The following CTNNA2 variants were observed in gnomAD, a reference collection of about 807,000 sequenced individuals.
CTNNA2 encodes the protein catenin alpha-2.
A neutral mutation model predicts 101.0 loss-of-function variants in CTNNA2; 42 were observed. The ratio of observed to expected loss-of-function variants is 0.42; its 90% confidence interval spans 0.32 to 0.54. The LOEUF (loss-of-function observed/expected upper bound fraction) is 0.54, where lower values mean the gene tolerates loss of function less well. CTNNA2 is among the 20% of genes least tolerant of loss of function. The pLI, the probability that CTNNA2 is intolerant of heterozygous loss-of-function variation, is 0.14. For synonymous variants in CTNNA2, 450 were observed against 456.4 expected (o/e 0.99, Z 0.18); for missense variants, 871 against 1,223.1 (o/e 0.71, Z 4.29).
intron 7 of CTNNA2, among the ~76,000 whole-genome samples, chr2:80,291,306 A>G (rs1203055289): frequency 6.6e-6 from 1 of 152,182 alleles, no homozygotes; most frequent in Non-Finnish European, 1.5e-5. Context: ...ACCCTGCCTA[A>G]CAAATTGGAG....
At chr2:79,311,772 T>C (rs7583745) in intron 2 of CTNNA2, among the ~76,000 whole-genome samples, 13,090 of 152,256 alleles carry the variant, frequency 0.086, 618 homozygotes, top group African/African-American at 0.1. Flanking sequence ...AGCTGATCTA[T>C]TGGTTGCCTC....
At chr2:80,082,597 G>A (rs1194811589) in intron 7 of CTNNA2, among the ~76,000 whole-genome samples, 3 of 152,030 alleles carry the variant, frequency 2.0e-5, no homozygotes, top group Admixed American at 6.6e-5. Context: ...TAATCTATTT[G>A]GATTAAGTTT....
intron 2 of CTNNA2, among the ~76,000 whole-genome samples, chr2:79,273,093 T>C (rs1206435161): frequency 1.3e-5 from 2 of 152,062 alleles, no homozygotes; most frequent in Non-Finnish European, 2.9e-5. Context: ...TCATGTTGGC[T>C]TCTCAGCACA....
At chr2:79,849,539 C>A (rs1680509758) in intron 3 of CTNNA2, among the ~76,000 whole-genome samples, 1 of 152,072 alleles carries the variant, frequency 6.6e-6, no homozygotes. Context: ...TTTCCCCAAT[C>A]ACAGATTTCA....
intron 7 of CTNNA2, among the ~76,000 whole-genome samples, chr2:80,188,665 A>C (rs1336192004): frequency 6.6e-6 from 1 of 152,188 alleles, no homozygotes; most frequent in Non-Finnish European, 1.5e-5. Flanking sequence ...TGACAGTAAG[A>C]CAAGTCCTTC....
intron 3 of CTNNA2, among the ~76,000 whole-genome samples, chr2:79,316,414 C>T (rs13422936): frequency 0.26 from 38,868 of 151,898 alleles, 5,236 homozygotes; most frequent in Middle Eastern, 0.38. Flanking sequence ...GCTATTCTGA[C>T]ATCCCAGCAT....
rs369716657 is a variant in CTNNA2, at chr2:79,359,579, A to G, written c.-317-14252A>G. On this transcript the variant is annotated intron_variant, in intron 3 of 21. Transcript: ENST00000466387. Reference sequence around the variant, plus strand: ...AAGGCTCATGCTGAATAGGAGGAAAACCCCTTCATGGGAAGCCCCTGGAGA... The same window carrying G: ...AAGGCTCATGCTGAATAGGAGGAAAGCCCCTTCATGGGAAGCCCCTGGAGA... Among the ~76,000 whole-genome samples, 25 of 152,234 alleles carry G rather than the reference A, an allele frequency of 1.6e-4. No homozygotes were observed. In the East Asian group the frequency reaches 4.4e-3, roughly 27 times the overall value.
intron 7 of CTNNA2, among the ~76,000 whole-genome samples, chr2:80,326,477 C>A (rs1376174612): frequency 2.0e-5 from 3 of 152,240 alleles, no homozygotes; most frequent in South Asian, 4.1e-4. Context: ...ATCCCTGCCC[C>A]CCTTGCCTCT....
chr2:79,385,857 A>G (rs1204331733), intron 4 of CTNNA2, among the ~76,000 whole-genome samples: 3 of 152,184 alleles, frequency 2.0e-5, no homozygotes, highest in African/African-American at 7.2e-5. Context: ...TGCAAAGGCC[A>G]TGAACATGTT....
At chr2:80,019,896 C>T (rs1402419009) in intron 7 of CTNNA2, among the ~76,000 whole-genome samples, 3 of 152,120 alleles carry the variant, frequency 2.0e-5, no homozygotes, top group African/African-American at 7.2e-5. Context: ...AGTCTCTGTA[C>T]GAGCAGACAT....
At chr2:79,459,377 G>C (rs1039232564) in intron 4 of CTNNA2, among the ~76,000 whole-genome samples, 1 of 151,662 alleles carries the variant, frequency 6.6e-6, no homozygotes, top group Non-Finnish European at 1.5e-5. Flanking sequence ...GAATATGCAA[G>C]TATTGTAAGT....
At chr2:79,600,230 C>T (rs1259790156) in intron 1 of CTNNA2, among the ~76,000 whole-genome samples, 1 of 151,970 alleles carries the variant, frequency 6.6e-6, no homozygotes, top group African/African-American at 2.4e-5. Flanking sequence ...GGCTGGAGTG[C>T]TGGGGCATGA....
At chr2:79,793,888 G>A (rs1289983817) in intron 3 of CTNNA2, among the ~76,000 whole-genome samples, 14 of 142,624 alleles carry the variant, frequency 9.8e-5, no homozygotes, top group Admixed American at 8.4e-4. Context: ...ACACACTCAT[G>A]CACACACACA....
At chr2:79,532,925 C>G (rs1264915836) in intron 1 of CTNNA2, among the ~76,000 whole-genome samples, 1 of 152,040 alleles carries the variant, frequency 6.6e-6, no homozygotes, top group African/African-American at 2.4e-5. Context: ...CTCATAGCTC[C>G]CATTCCAAAA....
At chr2:79,239,161 A>G (rs974582858) in intron 2 of CTNNA2, among the ~76,000 whole-genome samples, 1 of 151,998 alleles carries the variant, frequency 6.6e-6, no homozygotes, top group Non-Finnish European at 1.5e-5. Flanking sequence ...AGCCAAGACA[A>G]TTCTAAGCAA....
At chr2:80,139,544 A>G (rs1012444538) in intron 7 of CTNNA2, among the ~76,000 whole-genome samples, 7 of 152,134 alleles carry the variant, frequency 4.6e-5, no homozygotes, top group African/African-American at 1.4e-4. Flanking sequence ...CCTCTTATGT[A>G]TGTGTTTGTA....
At chr2:80,489,405 G>A (rs1686857037) in intron 9 of CTNNA2, among the ~76,000 whole-genome samples, 1 of 152,214 alleles carries the variant, frequency 6.6e-6, no homozygotes, top group Non-Finnish European at 1.5e-5. Flanking sequence ...TACTGAGACT[G>A]AGAAAAAAAT....
At chr2:79,885,958 G>A (rs1683826402) in intron 6 of CTNNA2, among the ~76,000 whole-genome samples, 2 of 152,186 alleles carry the variant, frequency 1.3e-5, no homozygotes, top group Non-Finnish European at 2.9e-5. Context: ...CTTAGGATAA[G>A]GTTTAGCCAC....
rs910666462 is a variant in CTNNA2, at chr2:80,483,360, T to C, written c.1291-61622T>C. 5.7e-4 allele frequency among the ~76,000 whole-genome samples: 76 copies of C among 133,398 alleles called. 2 individuals are homozygous for C. Among genetic ancestry groups the C allele is most frequent in the African/African-American group, 2.1e-3 (71 of 33,444 alleles). 87.5% of individuals were successfully genotyped at this position (133,398 alleles called of 152,430 possible). ...CTCTTTTTGTCCATCTAGAGTCATG[T>C]TGTTGTTTTATATATATATATATAT... On this transcript the variant is annotated intron_variant, in intron 9 of 18. Coordinates refer to ENST00000402739, the MANE Select transcript of CTNNA2 (RefSeq NM_001282597.3).
Sources: gnomAD v4.1 joint callset for allele counts (sites outside exome capture counted in the v4.1 genomes callset) on GRCh38, gnomAD v4.1.1 for gene constraint, MANE v1.5 for transcripts, NCBI Gene and HGNC (gene_info 2026-07-23, HGNC 2026-07-21) for gene names.